Variants in TULP4 observed in about 807,000 individuals in gnomAD.
The protein encoded by TULP4 is tubby-related protein 4.
TULP4 carries 16 observed loss-of-function variants against 129.0 expected under a neutral mutation model. The ratio of observed to expected loss-of-function variants is 0.12; its 90% CI spans 0.08 to 0.19. The LOEUF (loss-of-function observed/expected upper bound fraction) is 0.19, where lower values mean the gene tolerates loss of function less well. Ranked by LOEUF, TULP4 falls within the 10% of genes least tolerant of loss-of-function variation. The pLI, the probability that TULP4 is intolerant of heterozygous loss-of-function variation, is 1.00. For missense variants in TULP4, 1,842 were observed against 2,059.1 expected, an observed-to-expected ratio of 0.89 and a Z score of 2.04; for synonymous variants, 998 against 854.0, an observed-to-expected ratio of 1.17 and a Z score of -2.94.
At chr6:158,270,592 T>G (rs1488527947) in intron 1 of TULP4, among the ~76,000 whole-genome samples, 1 of 152,098 alleles carries the variant, frequency 6.6e-6, no homozygotes. Context: ...CTGGCCTGAG[T>G]GTTGCTTGGC....
At chr6:158,384,235 A>G (rs575743391) in intron 1 of TULP4, among the ~76,000 whole-genome samples, 1 of 152,044 alleles carries the variant, frequency 6.6e-6, no homozygotes, top group African/African-American at 2.4e-5. Context: ...CGTTATGACA[A>G]GGTAATTTAA....
chr6:158,435,975 C>T (rs1202106233), intron 3 of TULP4, among the ~76,000 whole-genome samples: 1 of 151,834 alleles, frequency 6.6e-6, no homozygotes, highest in East Asian at 1.9e-4. Flanking sequence ...CGCCCAGTGG[C>T]ACGATCTCGG....
At chr6:158,244,035 G>A (rs1235585156) in intron 1 of TULP4, among the ~76,000 whole-genome samples, 1 of 152,144 alleles carries the variant, frequency 6.6e-6, no homozygotes, top group Non-Finnish European at 1.5e-5. Flanking sequence ...GATGGTTGAG[G>A]GTTTTAAATT....
intron 1 of TULP4, among the ~76,000 whole-genome samples, chr6:158,392,794 C>CTTTTTTTTTTTTGTTTTTTTTTTTTTT (rs1777615822): frequency 1.8e-5 from 1 of 54,642 alleles, no homozygotes; most frequent in Non-Finnish European, 3.0e-5. Flanking sequence ...ATTTGTATTT[C>CTTTTTTTTTTTTGTTTTTTTTTTTTTT]TTTTTTTTTT....
intron 1 of TULP4, among the ~76,000 whole-genome samples, chr6:158,384,798 A>G (rs1777404062): frequency 6.6e-6 from 1 of 152,190 alleles, no homozygotes; most frequent in Admixed American, 6.5e-5. Context: ...GAAAGACTCT[A>G]GGAGCAAGAT....
intron 5 of TULP4, among the ~76,000 whole-genome samples, chr6:158,454,094 G>T (rs1779237811): frequency 7.0e-6 from 1 of 143,872 alleles, no homozygotes; most frequent in Non-Finnish European, 1.5e-5. Flanking sequence ...CCCTCTTTTG[G>T]GCATCCCAAT....
intron 8 of TULP4, among the ~76,000 whole-genome samples, chr6:158,487,170 C>T (rs926569129): frequency 4.2e-4 from 10 of 23,838 alleles, no homozygotes; most frequent in Non-Finnish European, 7.3e-4. Context: ...ATCACTGCCT[C>T]GGGAGGCTGA....
intron 1 of TULP4, among the ~76,000 whole-genome samples, chr6:158,245,033 A>G (rs1778001105): frequency 6.6e-6 from 1 of 152,130 alleles, no homozygotes; most frequent in Non-Finnish European, 1.5e-5. Flanking sequence ...TTTGTCACCC[A>G]GGCTGGAGTG....
chr6:158,493,469 A>G lies in TULP4; in HGVS notation c.1632-104A>G, dbSNP rs1156980146. On this transcript the variant is annotated intron_variant, in intron 9 of 13. Coordinates refer to ENST00000367097, the MANE Select transcript of TULP4 (RefSeq NM_020245.5). This position sits in a 1 kb window ranked among gnomAD's most constrained non-coding sequence, Gnocchi z 4.4. ...GCACTGGCTGCAGGGTGAGAACCCA[A>G]CACCCAGGCTGGCTGTCCAGAAAAA... 31 of 1,267,266 alleles carry G rather than the reference A, an allele frequency of 2.4e-5. No individual in the cohort carries two copies. The highest frequency in any genetic ancestry group is 2.9e-5 in the Non-Finnish European group (28 of 971,948). The allele number at this position is 1,267,266 out of a possible 1,614,324, so 78.5% of individuals were successfully genotyped here.
chr6:158,436,650 T>A (rs890189615), intron 3 of TULP4, among the ~76,000 whole-genome samples: 8 of 152,230 alleles, frequency 5.3e-5, no homozygotes, highest in African/African-American at 1.9e-4. Context: ...GAGGTAATAT[T>A]TCTTTATAAA....
rs1298402504 is a variant in TULP4 at position 158,414,424 on chromosome 6, A to G, written c.381+1231A>G. ...GGGAGATACTTGCCTGTGCCTCAGG[A>G]TCACAGAGGATTACATAAGACTGTA... is the stretch of plus-strand genomic sequence containing the variant. On this transcript the variant is annotated intron_variant, in intron 2 of 13. Coordinates refer to ENST00000367097, the MANE Select transcript of TULP4 (RefSeq NM_020245.5). Among the ~76,000 whole-genome samples the G allele has an allele frequency of 3.3e-5, 3 of 90,910 alleles. No homozygotes were observed. The East Asian group carries it at 6.0e-4, about 18-fold the overall frequency. 59.6% of individuals were successfully genotyped at this position (90,910 alleles called of 152,430 possible).
chr6:158,273,916 A>G (rs1778593825), intron 1 of TULP4, among the ~76,000 whole-genome samples: 2 of 152,150 alleles, frequency 1.3e-5, no homozygotes, highest in Admixed American at 1.3e-4. Flanking sequence ...TAGGTAAGAA[A>G]ACTGAATTAC....
intron 1 of TULP4, among the ~76,000 whole-genome samples, chr6:158,390,275 A>T (rs935767127): frequency 6.6e-6 from 1 of 152,150 alleles, no homozygotes; most frequent in Non-Finnish European, 1.5e-5. Flanking sequence ...CCAGCTTTTT[A>T]AAAAAATGAA....
chr6:158,241,780 A>T (rs262819), intron 1 of TULP4: 29,467 of 463,152 alleles, frequency 0.064, 1,158 homozygotes, highest in Middle Eastern at 0.12. Flanking sequence ...TTTTTAGTAG[A>T]GACGGGGTTT....
chr6:158,317,712 A>G (rs1779523390), intron 1 of TULP4, among the ~76,000 whole-genome samples: 1 of 152,222 alleles, frequency 6.6e-6, no homozygotes, highest in East Asian at 1.9e-4. Context: ...TTCTAGTTCT[A>G]GATCCTTGAG....
At chr6:158,248,636 A>G (rs1307448337) in intron 1 of TULP4, among the ~76,000 whole-genome samples, 1 of 151,886 alleles carries the variant, frequency 6.6e-6, no homozygotes. Flanking sequence ...CGCTACTCGG[A>G]GGCCTGAGGT....
intron 1 of TULP4, among the ~76,000 whole-genome samples, chr6:158,340,793 C>T (rs1780162752): frequency 6.6e-6 from 1 of 152,134 alleles, no homozygotes; most frequent in South Asian, 2.1e-4. Flanking sequence ...TTACTGCCTT[C>T]TGTTATTTTT....
intron 3 of TULP4, among the ~76,000 whole-genome samples, chr6:158,434,355 G>A (rs827951): frequency 0.72 from 109,153 of 152,118 alleles, 39,829 homozygotes; most frequent in African/African-American, 0.79. Flanking sequence ...GGATATATTT[G>A]TAAATAGAAC....
intron 1 of TULP4, among the ~76,000 whole-genome samples, chr6:158,406,058 T>C (rs1207833203): frequency 6.6e-6 from 1 of 152,172 alleles, no homozygotes; most frequent in Non-Finnish European, 1.5e-5. Context: ...TCTCCCCTCT[T>C]TGTGTCCTCC....
Sources: allele counts gnomAD v4.1 joint callset (sites outside exome capture counted in the v4.1 genomes callset), GRCh38; gene constraint gnomAD v4.1.1; non-coding constraint Gnocchi (gnomAD v3.1); transcripts MANE v1.5; gene names NCBI Gene and HGNC (gene_info 2026-07-23, HGNC 2026-07-21).